Variants in CDC42BPA observed in about 807,000 individuals in gnomAD.
CDC42BPA encodes the protein serine/threonine-protein kinase MRCK alpha.
A neutral mutation model predicts 223.5 loss-of-function variants in CDC42BPA; 80 were observed. That is an observed-to-expected ratio of 0.36 (90% CI 0.30 to 0.43). The LOEUF is 0.43. CDC42BPA is among the 20% of genes least tolerant of loss of function. The pLI is 1.00. For missense variants in CDC42BPA, 1,743 were observed against 2,099.9 expected (o/e 0.83, Z 3.32); for synonymous variants, 694 against 718.6 (o/e 0.97, Z 0.55).
At chr1:227,311,647 T>C (rs1390414927) in intron 1 of CDC42BPA, among the ~76,000 whole-genome samples, 1 of 151,602 alleles carries the variant, frequency 6.6e-6, no homozygotes, top group African/African-American at 2.4e-5. Context: ...GAAGAGACAA[T>C]AAACCATTGA....
intron 2 of CDC42BPA, among the ~76,000 whole-genome samples, chr1:227,229,580 T>C (rs1217294027): frequency 6.6e-6 from 1 of 152,228 alleles, no homozygotes; most frequent in Non-Finnish European, 1.5e-5. Flanking sequence ...GCACTGTATC[T>C]GTAGATCAAT....
At chr1:227,188,830 C>T (rs568079701) in intron 5 of CDC42BPA, among the ~76,000 whole-genome samples, 11 of 152,096 alleles carry the variant, frequency 7.2e-5, no homozygotes, top group African/African-American at 2.4e-4. Context: ...ACAGAGAACA[C>T]GAATGTAAAC....
At chr1:227,313,750 G>T (rs774223801) in intron 1 of CDC42BPA, among the ~76,000 whole-genome samples, 1 of 136,678 alleles carries the variant, frequency 7.3e-6, no homozygotes, top group Non-Finnish European at 1.6e-5. Context: ...ATTAACACTC[G>T]TGTCATAAAA....
At position 227,116,795 on chromosome 1, in the gene CDC42BPA, TA is replaced by T. The variant is rs1687844666; in HGVS notation, c.1647+3008del. ...ATAACTGATTTAGTAGTGAGAAAAC[TA>T]AGAGATTTACCTTCTGGAGGTTATG... is the stretch of plus-strand genomic sequence containing the variant. On this transcript the variant is annotated intron_variant, in intron 12 of 36. Transcript: ENST00000366766. Among the ~76,000 whole-genome samples, 3 of 152,228 alleles carry T rather than the reference TA, an allele frequency of 2.0e-5. No homozygotes were observed. The South Asian group carries it at 6.2e-4, about 32-fold the overall frequency.
intron 1 of CDC42BPA, among the ~76,000 whole-genome samples, chr1:227,286,349 C>G (rs969960427): frequency 2.6e-5 from 4 of 152,190 alleles, no homozygotes; most frequent in Admixed American, 2.6e-4. Flanking sequence ...CTCTTAAGAT[C>G]AGCCTTTCAC....
At chr1:227,047,136 C>G (rs1372690348) in intron 23 of CDC42BPA, among the ~76,000 whole-genome samples, 1 of 152,066 alleles carries the variant, frequency 6.6e-6, no homozygotes, top group Non-Finnish European at 1.5e-5. Flanking sequence ...ACCCCTTCTA[C>G]TATTAAAGTC....
Position 227,104,608 on chromosome 1 carries a change from CCTAACCACCAGTA to C in CDC42BPA, c.2002-3382_2002-3370del, listed in dbSNP as rs570736625. On this transcript the variant is annotated intron_variant, in intron 14 of 36. Coordinates refer to ENST00000366766, the MANE Select transcript of CDC42BPA (RefSeq NM_001394014.1). ...TACCTTCAAATTCCTATGTTGAAGC[CCTAACCACCAGTA>C]CTTCAGAATGTAACCTTATTTTAAA... 4.9e-3 allele frequency among the ~76,000 whole-genome samples: 745 copies of C among 152,100 alleles called. 3 individuals are homozygous for C. The highest frequency in any genetic ancestry group is 0.017 in the African/African-American group (696 of 41,488).
chr1:227,091,800 T>C, intron 16 of CDC42BPA, 86 bp downstream of exon 16: 1 of 647,472 alleles, frequency 1.5e-6, no homozygotes, highest in East Asian at 2.9e-5. Context: ...AAAATGTATG[T>C]CAAATATAAA....
At chr1:227,060,092 C>T (rs191345593) in intron 21 of CDC42BPA, among the ~76,000 whole-genome samples, 2,043 of 130,386 alleles carry the variant, frequency 0.016, 26 homozygotes, top group Non-Finnish European at 0.02. Context: ...AGTGCAGTGG[C>T]GCAATCTTGG....
At chr1:227,094,565 T>A (rs1184288752) in intron 15 of CDC42BPA, among the ~76,000 whole-genome samples, 1 of 152,228 alleles carries the variant, frequency 6.6e-6, no homozygotes, top group Non-Finnish European at 1.5e-5. Flanking sequence ...TCCTGGCAGC[T>A]GTCCTCACTT....
intron 21 of CDC42BPA, among the ~76,000 whole-genome samples, chr1:227,052,795 A>C (rs1572503559): frequency 6.6e-6 from 1 of 152,306 alleles, no homozygotes; most frequent in Middle Eastern, 3.4e-3. Flanking sequence ...ATGAACTTAT[A>C]ATTATTTTCC....
chr1:227,260,572 A>G (rs1683861244), intron 1 of CDC42BPA, among the ~76,000 whole-genome samples: 1 of 151,080 alleles, frequency 6.6e-6, no homozygotes, highest in Non-Finnish European at 1.5e-5. Flanking sequence ...AAAGTGTCCA[A>G]TAGAAAGAGA....
chr1:227,228,202 A>G (rs779186354), intron 2 of CDC42BPA, among the ~76,000 whole-genome samples: 14 of 152,218 alleles, frequency 9.2e-5, no homozygotes, highest in Non-Finnish European at 1.9e-4. Context: ...TGATGGGTTG[A>G]CAGGAGCAGC....
chr1:227,137,905 AC>A, intron 10 of CDC42BPA, among the ~76,000 whole-genome samples: 1 of 152,220 alleles, frequency 6.6e-6, no homozygotes, highest in East Asian at 1.9e-4. Context: ...CCTATGCTGG[AC>A]ATATTCTACA....
At chr1:227,097,351 G>A (rs1391375010) in intron 15 of CDC42BPA, among the ~76,000 whole-genome samples, 1 of 151,926 alleles carries the variant, frequency 6.6e-6, no homozygotes, top group Non-Finnish European at 1.5e-5. Context: ...TAAACTCAAT[G>A]TCATTATTTA....
intron 22 of CDC42BPA, among the ~76,000 whole-genome samples, chr1:227,048,515 A>T (rs1388557994): frequency 6.6e-6 from 1 of 151,934 alleles, no homozygotes; most frequent in Non-Finnish European, 1.5e-5. Flanking sequence ...TTGTGCAGAA[A>T]TTAATTTCCA....
intron 15 of CDC42BPA, among the ~76,000 whole-genome samples, chr1:227,093,843 G>A (rs150176660): frequency 4.3e-4 from 65 of 152,288 alleles, no homozygotes; most frequent in African/African-American, 1.5e-3. Context: ...CCTTCAGGCA[G>A]CAAAAGACAG....
At position 227,112,891 on chromosome 1, in the gene CDC42BPA, C is replaced by T. The variant is rs1413461960; in HGVS notation, c.1670G>A (p.Arg557Gln). The change falls in exon 13 of 37, where the codon CGA (arginine) becomes CAA (glutamine). Residue 557 changes from arginine to glutamine, a missense_variant. Physicochemically the swap from Arg to Gln is conservative, Grantham distance 43. Transcript: ENST00000366766. ...CAGCTCTTTGGATTGGTTTTTTAAT[C>T]GCTCACTAGCCTGGACTAGTTCCTA... ...LNKELVQASE[R>Q]LKNQSKELKD... 8 of 1,613,940 alleles carry T rather than the reference C, an allele frequency of 5.0e-6. No homozygotes were observed. Among genetic ancestry groups the T allele is most frequent in the Non-Finnish European group, 6.8e-6 (8 of 1,179,922 alleles).
intron 3 of CDC42BPA, among the ~76,000 whole-genome samples, chr1:227,209,699 G>C (rs1022604894): frequency 6.8e-6 from 1 of 148,000 alleles, no homozygotes; most frequent in African/African-American, 2.5e-5. Context: ...GCATCCCAGG[G>C]ATGAAGCCCA....
Sources: gnomAD v4.1 joint callset for allele counts (sites outside exome capture counted in the v4.1 genomes callset) on GRCh38, gnomAD v4.1.1 for gene constraint, MANE v1.5 for transcripts, NCBI Gene and HGNC (gene_info 2026-07-23, HGNC 2026-07-21) for gene names.